The following UBE2H variants were observed in gnomAD, a reference collection of about 807,000 sequenced individuals.
UBE2H encodes ubiquitin-conjugating enzyme E2 H.
A neutral mutation model predicts 29.0 loss-of-function variants in UBE2H; 3 were observed. That is an observed-to-expected ratio of 0.10 (90% CI 0.05 to 0.27). The LOEUF is 0.27. Among genes scored for constraint, UBE2H ranks in the 10% least tolerant of loss-of-function variants. UBE2H has a pLI of 1.00. For synonymous variants in UBE2H, 69 were observed against 82.9 expected (o/e 0.83, Z 0.91); for missense variants, 68 against 228.2 (o/e 0.30, Z 4.52).
intron 1 of UBE2H, among the ~76,000 whole-genome samples, chr7:129,932,217 G>A (rs540684773): frequency 2.7e-4 from 41 of 149,808 alleles, no homozygotes; most frequent in Admixed American, 6.7e-4. Flanking sequence ...TCCACCTCCC[G>A]GGTTCACACC....
intron 1 of UBE2H, among the ~76,000 whole-genome samples, chr7:129,933,424 A>G (rs545636304): frequency 1.3e-5 from 2 of 152,332 alleles, no homozygotes; most frequent in African/African-American, 4.8e-5. Flanking sequence ...AAGGTATTCT[A>G]TTTTACAAAT....
chr7:129,865,027 T>G, intron 3 of UBE2H: 1 of 438,750 alleles, frequency 2.3e-6, no homozygotes, highest in Non-Finnish European at 4.6e-6. Context: ...TTCTCTGTCC[T>G]GCGTCTTTTA....
intron 1 of UBE2H, among the ~76,000 whole-genome samples, chr7:129,917,272 T>C (rs1563045346): frequency 6.6e-6 from 1 of 152,210 alleles, no homozygotes. Flanking sequence ...TTTCATTTTA[T>C]TTTAGAACAG....
At chr7:129,934,638 T>TTAAAA (rs1554440987) in intron 1 of UBE2H, among the ~76,000 whole-genome samples, 51 of 65,826 alleles carry the variant, frequency 7.7e-4, no homozygotes, top group South Asian at 2.8e-3. Context: ...ACTCCGTCTT[T>TTAAAA]AAAAAAAAAA....
At chr7:129,848,626 T>C (rs986284160) in intron 5 of UBE2H, among the ~76,000 whole-genome samples, 2 of 152,242 alleles carry the variant, frequency 1.3e-5, no homozygotes, top group African/African-American at 4.8e-5. Flanking sequence ...GTTATTCACA[T>C]CCTTGACTAC....
intron 1 of UBE2H, among the ~76,000 whole-genome samples, chr7:129,884,482 A>G (rs1204274200): frequency 1.3e-5 from 2 of 152,176 alleles, no homozygotes; most frequent in Non-Finnish European, 2.9e-5. Context: ...AAAGTTTACA[A>G]AAATAAGTGT....
At chr7:129,868,025 G>C (rs904829109) in intron 3 of UBE2H, among the ~76,000 whole-genome samples, 2 of 152,068 alleles carry the variant, frequency 1.3e-5, no homozygotes, top group Non-Finnish European at 2.9e-5. Flanking sequence ...TTTCTAAAAA[G>C]AACTAAGACA....
intron 1 of UBE2H, among the ~76,000 whole-genome samples, chr7:129,917,099 C>T (rs2116460804): frequency 6.6e-6 from 1 of 151,064 alleles, no homozygotes; most frequent in East Asian, 2.0e-4. Flanking sequence ...CAGCTACTGG[C>T]AGGAGAATTG....
At chr7:129,927,093 G>A (rs1006679243) in intron 1 of UBE2H, among the ~76,000 whole-genome samples, 3 of 152,174 alleles carry the variant, frequency 2.0e-5, no homozygotes, top group South Asian at 2.1e-4. Flanking sequence ...TTTTTAAAAC[G>A]TACTTCTAAG....
intron 1 of UBE2H, among the ~76,000 whole-genome samples, chr7:129,930,934 C>T (rs1259881377): frequency 4.2e-5 from 3 of 72,086 alleles, no homozygotes; most frequent in African/African-American, 1.6e-4. Context: ...AAAAAAAAAA[C>T]AAGGCCGGGC....
chr7:129,949,103 C>T (rs1045980358), intron 1 of UBE2H: 31 of 449,632 alleles, frequency 6.9e-5, no homozygotes, highest in Non-Finnish European at 1.2e-4. Flanking sequence ...GCAGGGGCCA[C>T]TGGTTCACAG....
intron 5 of UBE2H, 138 bp downstream of exon 5, chr7:129,857,373 T>G (rs1439065648): frequency 1.8e-5 from 14 of 798,274 alleles, no homozygotes; most frequent in Non-Finnish European, 2.8e-5. Context: ...TTTCCACTGA[T>G]CAAACTTTCC....
At chr7:129,923,114 A>T (rs747706535) in intron 1 of UBE2H, among the ~76,000 whole-genome samples, 13 of 151,164 alleles carry the variant, frequency 8.6e-5, no homozygotes, top group Non-Finnish European at 1.3e-4. Flanking sequence ...GTTAGCCAGG[A>T]TGTTCTCAAT....
At chr7:129,860,566 T>TTTATAAAATATTA (rs1204077220) in intron 3 of UBE2H, among the ~76,000 whole-genome samples, 23 of 152,150 alleles carry the variant, frequency 1.5e-4, no homozygotes, top group Non-Finnish European at 2.4e-4. Context: ...TGCAATATTA[T>TTTATAAAATATTA]TTATAAAAGC....
At chr7:129,865,479 A>T (rs910962276) in intron 3 of UBE2H, among the ~76,000 whole-genome samples, 1 of 152,188 alleles carries the variant, frequency 6.6e-6, no homozygotes, top group African/African-American at 2.4e-5. Flanking sequence ...AATCACCAGA[A>T]ATTTCACCTG....
At chr7:129,870,590 T>C (rs1296900565) in intron 3 of UBE2H, among the ~76,000 whole-genome samples, 2 of 152,170 alleles carry the variant, frequency 1.3e-5, no homozygotes, top group African/African-American at 2.4e-5. Flanking sequence ...TTCACAGCGG[T>C]GTATGTCTAG....
intron 1 of UBE2H, among the ~76,000 whole-genome samples, chr7:129,913,252 CAA>C (rs59869623): frequency 7.4e-4 from 56 of 75,524 alleles, no homozygotes; most frequent in Middle Eastern, 7.4e-3. Flanking sequence ...AACTCCGTCT[CAA>C]AAAAAAAAAA....
intron 1 of UBE2H, among the ~76,000 whole-genome samples, chr7:129,896,279 G>A (rs930471050): frequency 3.3e-5 from 5 of 151,738 alleles, no homozygotes; most frequent in East Asian, 1.9e-4. Context: ...AGACGTTGCA[G>A]TGAGCCGAGA....
At chr7:129,927,409 G>A (rs1807292844) in intron 1 of UBE2H, among the ~76,000 whole-genome samples, 1 of 152,106 alleles carries the variant, frequency 6.6e-6, no homozygotes, top group Non-Finnish European at 1.5e-5. Context: ...GCGTGGTGGT[G>A]GACTCCTGTA....
Sources: gnomAD v4.1 joint callset for allele counts (sites outside exome capture counted in the v4.1 genomes callset) on GRCh38, gnomAD v4.1.1 for gene constraint, MANE v1.5 for transcripts, NCBI Gene and HGNC (gene_info 2026-07-23, HGNC 2026-07-21) for gene names.